Variants in GRM7 observed in about 807,000 individuals in gnomAD.
The protein encoded by GRM7 is metabotropic glutamate receptor 7.
Under a neutral mutation model 84.5 loss-of-function variants are expected in GRM7, and 35 were observed. The ratio of observed to expected loss-of-function variants is 0.41; its 90% CI spans 0.32 to 0.55. The LOEUF (loss-of-function observed/expected upper bound fraction) is 0.55. GRM7 is among the 20% of genes least tolerant of loss of function. The pLI is 0.19. For synonymous variants in GRM7, 487 were observed against 455.1 expected (o/e 1.07, Z -0.89); for missense variants, 1,003 against 1,194.6 (o/e 0.84, Z 2.36).
chr3:7,715,725 G>A (rs950458286), intron 9 of GRM7, among the ~76,000 whole-genome samples: 2 of 152,070 alleles, frequency 1.3e-5, no homozygotes, highest in Non-Finnish European at 2.9e-5. Context: ...TTCAGACCCC[G>A]CACACTTGGG....
intron 4 of GRM7, among the ~76,000 whole-genome samples, chr3:7,398,719 G>T (rs902551485): frequency 1.3e-5 from 2 of 151,940 alleles, no homozygotes; most frequent in African/African-American, 4.8e-5. Flanking sequence ...GAGGGTATTT[G>T]ATTTGTTCAA....
intron 9 of GRM7, chr3:7,691,268 T>G (rs769103979): frequency 7.8e-7 from 1 of 1,288,184 alleles, no homozygotes; most frequent in South Asian, 1.2e-5. Flanking sequence ...CCAAAGCTTG[T>G]TCTTCTTGAG....
chr3:7,611,951 A>T (rs1051532449), intron 8 of GRM7, among the ~76,000 whole-genome samples: 1 of 152,226 alleles, frequency 6.6e-6, no homozygotes, highest in Non-Finnish European at 1.5e-5. Context: ...AGAATATAAT[A>T]GGAAAAGCTA....
At chr3:7,615,771 CCT>C (rs1697051973) in intron 8 of GRM7, among the ~76,000 whole-genome samples, 2 of 151,812 alleles carry the variant, frequency 1.3e-5, no homozygotes, top group Admixed American at 6.6e-5. Flanking sequence ...ACCAGGCTTG[CCT>C]CTCTCTGATT....
intron 1 of GRM7, among the ~76,000 whole-genome samples, chr3:7,020,491 T>C (rs1695737112): frequency 6.6e-6 from 1 of 152,210 alleles, no homozygotes; most frequent in Admixed American, 6.5e-5. Flanking sequence ...CATCAAACAT[T>C]GGGCTTCATT....
At chr3:7,461,447 T>C (rs1698241561) in intron 6 of GRM7, 136 bp from the exon 7 acceptor site, 1 of 621,832 alleles carries the variant, frequency 1.6e-6, no homozygotes, top group Non-Finnish European at 2.8e-6. Context: ...AGGGGCCGTT[T>C]TGGGGGGACC....
At chr3:7,499,784 T>TA (rs909175098) in intron 7 of GRM7, among the ~76,000 whole-genome samples, 107 of 151,802 alleles carry the variant, frequency 7.0e-4, no homozygotes, top group Non-Finnish European at 1.4e-3. Context: ...CATTCTTTTT[T>TA]TTTTTTTTGA....
In GRM7 at chr3:7,313,774, C is replaced by T. The variant is rs569427630; in HGVS notation, c.1033+7122C>T. Among the ~76,000 whole-genome samples the T allele has an allele frequency of 1.1e-4, 17 of 152,094 alleles. No individual in the cohort carries two copies. The East Asian group carries it at 1.4e-3, about 12-fold the overall frequency. ...TTATAAGGTGAAGCTATTTCACATG[C>T]GTTTTTTATAGAAATTATGAACTTT... On this transcript the variant is annotated intron_variant, in intron 4 of 9. Transcript: ENST00000357716.
intron 1 of GRM7, among the ~76,000 whole-genome samples, chr3:6,921,070 C>A (rs1181554894): frequency 6.6e-6 from 1 of 152,156 alleles, no homozygotes; most frequent in South Asian, 2.1e-4. Flanking sequence ...TGAAGGCATC[C>A]GTCACATTGG....
chr3:7,408,733 G>A (rs1051093096), intron 4 of GRM7, among the ~76,000 whole-genome samples: 3 of 152,204 alleles, frequency 2.0e-5, no homozygotes, highest in Non-Finnish European at 4.4e-5. Flanking sequence ...TGTCCTGAGA[G>A]CGCAGCACAT....
rs1206653649 is a variant in GRM7 at position 7,740,685 on chromosome 3, G to A, written c.*279G>A. On this transcript the variant is annotated 3_prime_UTR_variant, in exon 10 of 10. Transcript: ENST00000357716. ...AGTGTTGAAACTCAAGTCCCGCCCT[G>A]GCTCTTTAGAATGGACCACTGAGAG... The A allele has an allele frequency of 2.2e-5, 7 of 313,324 alleles. No individual in the cohort carries two copies. Among genetic ancestry groups the A allele is most frequent in the South Asian group, 1.1e-4 (1 of 9,472 alleles). 19.4% of individuals were successfully genotyped at this position (313,324 alleles called of 1,614,324 possible).
chr3:7,063,825 AT>A (rs1458796609), intron 1 of GRM7, among the ~76,000 whole-genome samples: 3 of 151,708 alleles, frequency 2.0e-5, no homozygotes, highest in African/African-American at 7.3e-5. Flanking sequence ...GAGTCTGCAT[AT>A]TTTTCATAAG....
At chr3:6,971,216 T>C (rs1693749349) in intron 1 of GRM7, among the ~76,000 whole-genome samples, 1 of 152,116 alleles carries the variant, frequency 6.6e-6, no homozygotes. Context: ...ACTTTGCTAA[T>C]TGATTCTAAT....
At chr3:7,341,722 G>T (rs1203108575) in intron 4 of GRM7, among the ~76,000 whole-genome samples, 2 of 152,028 alleles carry the variant, frequency 1.3e-5, no homozygotes, top group Non-Finnish European at 2.9e-5. Context: ...ACTATTATTG[G>T]GTGTTTACTA....
At chr3:7,569,245 C>T (rs1270197876) in intron 7 of GRM7, among the ~76,000 whole-genome samples, 1 of 152,110 alleles carries the variant, frequency 6.6e-6, no homozygotes, top group Non-Finnish European at 1.5e-5. Context: ...CTTGGAGAAC[C>T]TTTATGTCTA....
At chr3:7,453,227 T>A (rs1322301929) in intron 6 of GRM7, among the ~76,000 whole-genome samples, 1 of 152,018 alleles carries the variant, frequency 6.6e-6, no homozygotes, top group East Asian at 1.9e-4. Flanking sequence ...GTGGAGAGGT[T>A]TCCCCCACAC....
At chr3:7,605,171 G>A (rs1054216885) in intron 8 of GRM7, among the ~76,000 whole-genome samples, 2 of 151,896 alleles carry the variant, frequency 1.3e-5, no homozygotes, top group Admixed American at 6.6e-5. Context: ...TTTTCCTCAG[G>A]GCCATAAGAG....
intron 1 of GRM7, among the ~76,000 whole-genome samples, chr3:7,106,017 T>A (rs1692622845): frequency 6.6e-6 from 1 of 151,924 alleles, no homozygotes. Flanking sequence ...GGAGAAGTAT[T>A]AACTTCTCAA....
chr3:7,266,948 CTT>C lies in GRM7; in HGVS notation c.737-31735_737-31734del, dbSNP rs770293796. 7.9e-5 allele frequency among the ~76,000 whole-genome samples: 12 copies of C among 152,200 alleles called. No homozygotes were observed. The East Asian group carries it at 1.2e-3, about 15-fold the overall frequency. On this transcript the variant is annotated intron_variant, in intron 2 of 9. Transcript: ENST00000357716. ...TGACTTCAGGGTTGGAAGGAGACCT[CTT>C]AGCGTCTTAAAGGGCCATTTATCTT...
Sources: allele counts gnomAD v4.1 joint callset (sites outside exome capture counted in the v4.1 genomes callset), GRCh38; gene constraint gnomAD v4.1.1; transcripts MANE v1.5; gene names NCBI Gene and HGNC (gene_info 2026-07-23, HGNC 2026-07-21).